Variants in COL27A1 observed in about 807,000 individuals in gnomAD.
The protein encoded by COL27A1 is collagen type XXVII alpha 1 chain.
COL27A1 carries 106 observed loss-of-function variants against 251.3 expected under a neutral mutation model. That is an observed-to-expected ratio of 0.42 (90% confidence interval 0.36 to 0.50). The LOEUF is 0.50. COL27A1 is among the 20% of genes least tolerant of loss of function. The pLI is 0.00. For synonymous variants in COL27A1, 1,000 were observed against 986.3 expected (o/e 1.01, Z -0.26); for missense variants, 2,325 against 2,522.8 (o/e 0.92, Z 1.68).
intron 28 of COL27A1, among the ~76,000 whole-genome samples, chr9:114,263,092 C>A (rs1834468914): frequency 6.6e-6 from 1 of 152,172 alleles, no homozygotes; most frequent in East Asian, 1.9e-4. Flanking sequence ...GCACACACCA[C>A]CATGCCTAGC....
intron 7 of COL27A1, among the ~76,000 whole-genome samples, chr9:114,197,602 G>A (rs1234886339): frequency 1.3e-5 from 2 of 152,166 alleles, no homozygotes; most frequent in African/African-American, 4.8e-5. Flanking sequence ...GCAGGAGATG[G>A]GGAAACCAGA....
chr9:114,277,324 G>C (rs1835570388), intron 37 of COL27A1, among the ~76,000 whole-genome samples: 1 of 152,120 alleles, frequency 6.6e-6, no homozygotes, highest in Non-Finnish European at 1.5e-5. Flanking sequence ...GAGCCAACCA[G>C]GTGGTGAGAA....
intron 24 of COL27A1, among the ~76,000 whole-genome samples, chr9:114,247,581 C>A (rs1416578500): frequency 6.6e-6 from 1 of 152,186 alleles, no homozygotes; most frequent in Non-Finnish European, 1.5e-5. Flanking sequence ...TAGAACTAGG[C>A]CCAGGAGGGG....
intron 13 of COL27A1, among the ~76,000 whole-genome samples, chr9:114,221,236 C>T (rs1251665327): frequency 6.6e-6 from 1 of 152,074 alleles, no homozygotes; most frequent in Non-Finnish European, 1.5e-5. Context: ...GTAACATTTG[C>T]ATTGGGATGA....
chr9:114,215,041 G>T (rs1830629484), intron 12 of COL27A1, among the ~76,000 whole-genome samples: 1 of 152,250 alleles, frequency 6.6e-6, no homozygotes. Flanking sequence ...AGGCCACCAT[G>T]CACAGCTTTA....
At chr9:114,180,986 A>T (rs1222423151) in intron 4 of COL27A1, among the ~76,000 whole-genome samples, 1 of 152,072 alleles carries the variant, frequency 6.6e-6, no homozygotes. Flanking sequence ...GCTCTGGTGG[A>T]ACTGGGTGTC....
intron 5 of COL27A1, among the ~76,000 whole-genome samples, chr9:114,184,740 A>T (rs868124266): frequency 1.3e-5 from 2 of 152,258 alleles, no homozygotes; most frequent in South Asian, 4.2e-4. Context: ...GAGATACCGT[A>T]CCCATTTACA....
chr9:114,292,026 C>T lies in COL27A1; in HGVS notation c.4477-77C>T. Reference sequence around the variant, plus strand: ...CCTGTGGAATCACTGTTCTGGCTCTCCCAGGCCCCCTCCGCCTCCTCCTGC... The same window carrying T: ...CCTGTGGAATCACTGTTCTGGCTCTTCCAGGCCCCCTCCGCCTCCTCCTGC... On this transcript the variant is annotated intron_variant, in intron 48 of 60. Coordinates refer to ENST00000356083, the MANE Select transcript of COL27A1 (RefSeq NM_032888.4). 4 of 1,294,010 alleles carry T rather than the reference C, an allele frequency of 3.1e-6. No homozygotes were observed. In the South Asian group the frequency reaches 3.8e-5, roughly 12 times the overall value. The allele number at this position is 1,294,010 out of a possible 1,614,324, so 80.2% of individuals were successfully genotyped here.
intron 39 of COL27A1, among the ~76,000 whole-genome samples, 169 bp from the exon 40 acceptor site, chr9:114,283,540 G>A (rs1302530477): frequency 6.6e-6 from 1 of 152,224 alleles, no homozygotes; most frequent in Non-Finnish European, 1.5e-5. Flanking sequence ...GAACTCCAGG[G>A]AGGAGGGATA....
chr9:114,224,960 T>A (rs748637469), intron 14 of COL27A1, among the ~76,000 whole-genome samples: 2 of 152,124 alleles, frequency 1.3e-5, no homozygotes, highest in Admixed American at 6.5e-5. Context: ...CATTCTTACC[T>A]GTGCTCTCCG....
intron 28 of COL27A1, among the ~76,000 whole-genome samples, chr9:114,262,049 C>T (rs1204969557): frequency 6.6e-6 from 1 of 152,188 alleles, no homozygotes; most frequent in Non-Finnish European, 1.5e-5. Context: ...CTATCCCTTT[C>T]TAGGGAGGTG....
At position 114,237,686 on chromosome 9, in the gene COL27A1, A is replaced by T; in HGVS notation, c.2698A>T (p.Ile900Phe). Residue 900 changes from isoleucine (I) to phenylalanine (F), a missense_variant, in exon 19 of 61, where the codon ATT becomes TTT. Ile to Phe is a conservative substitution (Grantham distance 21). This residue lies in a region of COL27A1 where 662 missense variants were observed against 795.3 expected (regional missense o/e 0.83). Coordinates refer to ENST00000356083, the MANE Select transcript of COL27A1 (RefSeq NM_032888.4). Reference sequence around the variant, plus strand: ...GGGCAAAGTCGGAGACAAAGGATCCATTGGGTTTCCCGGGCCCCCTGGACC... The same window carrying T: ...GGGCAAAGTCGGAGACAAAGGATCCTTTGGGTTTCCCGGGCCCCCTGGACC... ...PLGKVGDKGSIGFPGPPGPEG... is the reference protein window; with the variant it reads ...PLGKVGDKGSFGFPGPPGPEG... 1.2e-6 allele frequency: 2 copies of T among 1,614,168 alleles called. No homozygotes were observed. The highest frequency in any genetic ancestry group is 2.2e-5 in the East Asian group (1 of 44,872).
At chr9:114,301,614 G>A in intron 54 of COL27A1, 68 bp from the exon 55 acceptor site, 1 of 1,536,558 alleles carries the variant, frequency 6.5e-7, no homozygotes, top group Non-Finnish European at 8.8e-7. Context: ...TGCTTGAGGA[G>A]GGACTGGGTT....
intron 4 of COL27A1, among the ~76,000 whole-genome samples, chr9:114,182,366 A>G (rs2135171437): frequency 6.6e-6 from 1 of 151,208 alleles, no homozygotes; most frequent in East Asian, 2.0e-4. Context: ...ACAGAGCAAG[A>G]CCCTGCCTCT....
intron 11 of COL27A1, among the ~76,000 whole-genome samples, chr9:114,210,257 A>G (rs1004822914): frequency 1.3e-5 from 2 of 152,250 alleles, no homozygotes; most frequent in African/African-American, 4.8e-5. Context: ...CTTTCTCACT[A>G]CAATGGCAGA....
rs534674519 is a variant in COL27A1, at chr9:114,301,458, C to T, written c.4805C>T (p.Pro1602Leu). 47 of 1,463,576 alleles carry T rather than the reference C, an allele frequency of 3.2e-5. No homozygotes were observed. The highest frequency in any genetic ancestry group is 3.7e-5 in the Non-Finnish European group (40 of 1,088,280). 90.7% of individuals were successfully genotyped at this position (1,463,576 alleles called of 1,614,324 possible). A position where few individuals can be genotyped will look rare whatever the true frequency, so the allele number is the denominator to read the frequency against. The change falls in exon 54 of 61, where the codon CCG (proline) becomes CTG (leucine). Residue 1602 changes from proline to leucine, a missense_variant. Pro to Leu is a moderately conservative substitution (Grantham distance 98, BLOSUM62 -3). Transcript: ENST00000356083. ...GSRGDWGLQG[P>L]RGPPGPRGRP... ...GTCTCCCTCCAGGGATTGCAAGGTC[C>T]GAGGGTGAGTGGGCTGGGCATGAGG... is the stretch of plus-strand genomic sequence containing the variant.
chr9:114,183,072 C>G lies in COL27A1; in HGVS notation c.2013C>G (p.Ala671=). Residue 671 remains alanine (A), a synonymous_variant, in exon 5 of 61, where the codon GCC becomes GCG. Transcript: ENST00000356083. The part of the protein sequence containing the change: ...GNPGLPGPPG[A]KGQKGDPGLS... ...CAGGTCTCCCCGGCCCTCCTGGAGC[C>G]AAAGTGAGTATTTGCTGGAGATGTG... 2 of 1,612,976 alleles carry G rather than the reference C, an allele frequency of 1.2e-6. No individual in the cohort carries two copies. The highest frequency in any genetic ancestry group is 8.5e-7 in the Non-Finnish European group (1 of 1,179,668).
Position 114,239,085 on chromosome 9 carries a change from GGGAAGCTGATAAGCGC to G in COL27A1, c.2728-1117_2728-1102del, listed in dbSNP as rs527624849. Among the ~76,000 whole-genome samples, 963 of 152,318 alleles carry G rather than the reference GGGAAGCTGATAAGCGC, an allele frequency of 6.3e-3. 4 individuals are homozygous for G. The highest frequency in any genetic ancestry group is 9.1e-3 in the Non-Finnish European group (618 of 68,016). On this transcript the variant is annotated intron_variant, in intron 19 of 60. Coordinates refer to ENST00000356083, the MANE Select transcript of COL27A1 (RefSeq NM_032888.4). ...AGAGATAGCTCTGCTCAGCTGAAGGGGGAAGCTGATAAGCGCGGAAGCTGATAAGCGCGTCAGCACC... is the reference window on the plus strand; with the variant it reads ...AGAGATAGCTCTGCTCAGCTGAAGGGGGAAGCTGATAAGCGCGTCAGCACC...
chr9:114,282,353 A>T, intron 38 of COL27A1, 23 bp downstream of exon 38: 1 of 1,613,842 alleles, frequency 6.2e-7, no homozygotes, highest in East Asian at 2.2e-5. Flanking sequence ...TTCTGACTTG[A>T]TAGGCCTGCG....
Sources: allele counts gnomAD v4.1 joint callset (sites outside exome capture counted in the v4.1 genomes callset), GRCh38; gene constraint gnomAD v4.1.1; regional missense constraint gnomAD v4.1.1; transcripts MANE v1.5; gene names NCBI Gene and HGNC (gene_info 2026-07-23, HGNC 2026-07-21).